Variants in SPTA1 observed in about 807,000 individuals in gnomAD.
The protein encoded by SPTA1 is spectrin alpha, erythrocytic 1.
A neutral mutation model predicts 324.7 loss-of-function variants in SPTA1; 177 were observed. The ratio of observed to expected loss-of-function variants is 0.55; its 90% CI spans 0.48 to 0.62. The LOEUF (loss-of-function observed/expected upper bound fraction) is 0.62. SPTA1 is among the 20% of genes least tolerant of loss of function. The pLI is 0.00. For synonymous variants in SPTA1, 1,195 were observed against 1,041.3 expected (o/e 1.15, Z -2.84); for missense variants, 3,162 against 2,883.6 (o/e 1.10, Z -2.21).
chr1:158,663,746 A>T (rs949016834), intron 16 of SPTA1, among the ~76,000 whole-genome samples: 5 of 152,196 alleles, frequency 3.3e-5, no homozygotes, highest in Non-Finnish European at 4.4e-5. Flanking sequence ...TACCTAATGC[A>T]TGCAGGGCTT....
At chr1:158,613,926 A>G in intron 49 of SPTA1, 59 bp from the exon 50 acceptor site, 1 of 1,564,718 alleles carries the variant, frequency 6.4e-7, no homozygotes, top group Non-Finnish European at 8.7e-7. Context: ...CCAAGTGAGA[A>G]CAGAAAGGAA....
chr1:158,638,394 G>A (rs1452606774), intron 35 of SPTA1, among the ~76,000 whole-genome samples, 153 bp from the exon 36 acceptor site: 2 of 152,302 alleles, frequency 1.3e-5, no homozygotes, highest in Non-Finnish European at 1.5e-5. Flanking sequence ...GTTAGCATAT[G>A]TTCAGGTTGG....
intron 45 of SPTA1, among the ~76,000 whole-genome samples, chr1:158,618,463 G>A (rs1649711804): frequency 6.6e-6 from 1 of 152,142 alleles, no homozygotes; most frequent in Non-Finnish European, 1.5e-5. Context: ...TATATATCAT[G>A]AATTGTCTAA....
At chr1:158,680,935 A>T (rs372275072) in intron 4 of SPTA1, among the ~76,000 whole-genome samples, 25 of 152,282 alleles carry the variant, frequency 1.6e-4, no homozygotes, top group African/African-American at 5.5e-4. Context: ...TCTTTCGGGC[A>T]GTTCTTTAGC....
chr1:158,614,885 A>G (rs2518490), intron 48 of SPTA1: 66,180 of 277,488 alleles, frequency 0.24, 9,060 homozygotes, highest in East Asian at 0.41. Flanking sequence ...TAATCTAGAC[A>G]TTACATTTTA....
At chr1:158,650,869 A>C (rs1652378020) in intron 24 of SPTA1, among the ~76,000 whole-genome samples, 1 of 152,192 alleles carries the variant, frequency 6.6e-6, no homozygotes, top group Non-Finnish European at 1.5e-5. Flanking sequence ...GGAGGTTTGG[A>C]TATTGTAATT....
chr1:158,640,153 T>C, intron 33 of SPTA1, 146 bp from the exon 34 acceptor site: 1 of 996,308 alleles, frequency 1.0e-6, no homozygotes, highest in Non-Finnish European at 1.5e-6. Context: ...AAACCAGTTA[T>C]ACTTAATCTG....
rs1294727011 is a variant in SPTA1, at chr1:158,611,267, G to A, written c.7257C>T (p.Asn2419=). 2 of 1,613,512 alleles carry A rather than the reference G, an allele frequency of 1.2e-6. No individual in the cohort carries two copies. Among genetic ancestry groups the A allele is most frequent in the South Asian group, 2.2e-5 (2 of 91,066 alleles). Residue 2419 remains asparagine (N), a synonymous_variant, in exon 52 of 52, where the codon AAC becomes AAT. Transcript: ENST00000643759. The stretch of plus-strand genomic sequence containing the variant: ...ACGATCCACGAGGAGCTGCTTATTA[G>A]TTGCCAAAGTAGGAATTGGTGAAGC... ...YVGFTNSYFG[N] is the part of the protein sequence containing the mutation.
At chr1:158,660,623 C>T (rs547133373) in intron 18 of SPTA1, among the ~76,000 whole-genome samples, 2 of 152,182 alleles carry the variant, frequency 1.3e-5, no homozygotes, top group Non-Finnish European at 2.9e-5. Context: ...GTTTGAATCA[C>T]TCAGGTGGGA....
At position 158,636,648 on chromosome 1, in the gene SPTA1, G is replaced by A. The variant is rs762636926; in HGVS notation, c.5303C>T (p.Ala1768Val). 38 of 1,613,872 alleles carry A rather than the reference G, an allele frequency of 2.4e-5. No homozygotes were observed. The highest frequency in any genetic ancestry group is 2.9e-5 in the Non-Finnish European group (34 of 1,179,976). Residue 1768 changes from alanine to valine, a missense_variant, in exon 37 of 52, where the codon GCC (alanine) becomes GTC (valine). Physicochemically the swap from Ala to Val is moderately conservative, Grantham distance 64. Transcript: ENST00000643759. ...LEGELVAHEP[A>V]IQNVLDMAEK... The stretch of plus-strand genomic sequence containing the variant: ...CTGGTATTCTATTCCTACCTGGATG[G>A]CAGGCTCATGGGCCACCAGCTCCCC...
chr1:158,640,061 G>A lies in SPTA1; in HGVS notation c.4738-54C>T, dbSNP rs569022500. On this transcript the variant is annotated intron_variant, in intron 33 of 51. Coordinates refer to ENST00000643759, the MANE Select transcript of SPTA1 (RefSeq NM_003126.4). Reference sequence around the variant, plus strand: ...CAATCTTTAGGATCCCGGGCCCTGTGACTACTTGAGAGAATAATGTAGGAA... The same window carrying A: ...CAATCTTTAGGATCCCGGGCCCTGTAACTACTTGAGAGAATAATGTAGGAA... 4.3e-6 allele frequency: 7 copies of A among 1,612,822 alleles called. No individual in the cohort carries two copies. In the Admixed American group the frequency reaches 1.0e-4, roughly 23 times the overall value.
At chr1:158,624,992 G>A (rs1650176006) in intron 42 of SPTA1, among the ~76,000 whole-genome samples, 1 of 152,178 alleles carries the variant, frequency 6.6e-6, no homozygotes, top group Admixed American at 6.5e-5. Flanking sequence ...CCAAAAAGTA[G>A]GGGTTGGATG....
rs554273444 is a variant in SPTA1, at chr1:158,657,349, C to T, written c.2805+128G>A. On this transcript the variant is annotated intron_variant, in intron 19 of 51. Coordinates refer to ENST00000643759, the MANE Select transcript of SPTA1 (RefSeq NM_003126.4). ...AGTCTCAGCAGATGAAGGCCAACGG[C>T]GACCACTCTGGAAACCCCAAATAAT... 2.1e-4 allele frequency: 202 copies of T among 952,188 alleles called. 1 individual carries two copies. Among genetic ancestry groups the T allele is most frequent in the South Asian group, 2.0e-3 (151 of 74,830 alleles). 59.0% of individuals were successfully genotyped at this position (952,188 alleles called of 1,614,324 possible).
In SPTA1 at chr1:158,610,913, A is replaced by G. The variant is rs1477712467; in HGVS notation, c.*351T>C. The stretch of plus-strand genomic sequence containing the variant: ...TTTACTTAACTTTGCCCCAAAAAAT[A>G]TTTTTAAAAAGAATTACTTTATTCT... On this transcript the variant is annotated 3_prime_UTR_variant, in exon 52 of 52. Coordinates refer to ENST00000643759, the MANE Select transcript of SPTA1 (RefSeq NM_003126.4). 9.0e-4 allele frequency: 190 copies of G among 210,396 alleles called. No individual in the cohort carries two copies. The highest frequency in any genetic ancestry group is 2.3e-5 in the African/African-American group (1 of 42,792). 13.0% of individuals were successfully genotyped at this position (210,396 alleles called of 1,614,324 possible). A position where few individuals can be genotyped will look rare whatever the true frequency, so the allele number is the denominator to read the frequency against.
At chr1:158,674,218 G>A (rs528376146) in intron 10 of SPTA1, 111 bp downstream of exon 10, 46 of 1,127,068 alleles carry the variant, frequency 4.1e-5, no homozygotes, top group Admixed American at 1.7e-4. Context: ...TTATTAACAC[G>A]TTTAAATGAC....
intron 44 of SPTA1, 126 bp from the exon 45 acceptor site, chr1:158,619,460 G>A: frequency 1.1e-6 from 1 of 871,570 alleles, no homozygotes; most frequent in Non-Finnish European, 1.9e-6. Context: ...CCACAGGTAT[G>A]TGCCTGTGTG....
At chr1:158,651,277 C>T (rs1652410067) in intron 24 of SPTA1, 90 bp downstream of exon 24, 2 of 861,702 alleles carry the variant, frequency 2.3e-6, no homozygotes, top group Non-Finnish European at 4.0e-6. Flanking sequence ...TCTAGTGGGT[C>T]TGCAGAATAT....
chr1:158,641,665 TGCTGGAGA>T (rs1050710315), intron 33 of SPTA1, among the ~76,000 whole-genome samples: 1 of 152,054 alleles, frequency 6.6e-6, no homozygotes, highest in Non-Finnish European at 1.5e-5. Flanking sequence ...AAACAACAGG[TGCTGGAGA>T]GGATGTGGAG....
chr1:158,616,819 T>G (rs1649584720), intron 47 of SPTA1, among the ~76,000 whole-genome samples: 1 of 152,162 alleles, frequency 6.6e-6, no homozygotes, highest in African/African-American at 2.4e-5. Flanking sequence ...TCTTTTTAAT[T>G]TTTTGAGGAA....
Sources: gnomAD v4.1 joint callset for allele counts (sites outside exome capture counted in the v4.1 genomes callset) on GRCh38, gnomAD v4.1.1 for gene constraint, MANE v1.5 for transcripts, NCBI Gene and HGNC (gene_info 2026-07-23, HGNC 2026-07-21) for gene names.